COL24A1: variants seen among roughly 807,000 people sequenced by gnomAD.
COL24A1 encodes collagen alpha-1(XXIV) chain.
COL24A1 carries 224 observed loss-of-function variants against 253.9 expected under a neutral mutation model. The ratio of observed to expected loss-of-function variants is 0.88; its 90% CI spans 0.79 to 0.99. The LOEUF is 0.99. COL24A1 is among the 50% of genes least tolerant of loss of function. COL24A1 has a pLI of 0.00. For synonymous variants in COL24A1, 685 were observed against 673.7 expected (o/e 1.02, Z -0.26); for missense variants, 2,131 against 2,068.5 (o/e 1.03, Z -0.59).
rs553035857 is a variant in COL24A1, at chr1:85,910,115, A to C, written c.2617-112T>G. On this transcript the variant is annotated intron_variant, in intron 25 of 59. Coordinates refer to ENST00000370571, the MANE Select transcript of COL24A1 (RefSeq NM_152890.7). ...CCAGAATCATGTCTTACATGCATAC[A>C]TCATTTTTATTTCCAATAATTTTTA... The C allele has an allele frequency of 2.6e-5, 16 of 625,176 alleles. No homozygotes were observed. The East Asian group carries it at 5.0e-4, about 20-fold the overall frequency. 38.7% of individuals were successfully genotyped at this position (625,176 alleles called of 1,614,324 possible). A position where few individuals can be genotyped will look rare whatever the true frequency, so the allele number is the denominator to read the frequency against.
chr1:86,137,418 G>A (rs966921154), intron 2 of COL24A1, among the ~76,000 whole-genome samples: 9 of 152,142 alleles, frequency 5.9e-5, no homozygotes, highest in South Asian at 2.1e-4. Context: ...ATCTACATGT[G>A]AGAGTTAGGA....
chr1:86,117,615 C>G (rs755072742), intron 3 of COL24A1, among the ~76,000 whole-genome samples: 4 of 152,116 alleles, frequency 2.6e-5, no homozygotes, highest in Non-Finnish European at 4.4e-5. Flanking sequence ...AAATTAAAAT[C>G]AATTCTCACA....
intron 31 of COL24A1, among the ~76,000 whole-genome samples, chr1:85,893,017 T>C (rs1307307020): frequency 6.6e-6 from 1 of 152,104 alleles, no homozygotes; most frequent in African/African-American, 2.4e-5. Context: ...TACGTATCAA[T>C]AATTACATTA....
chr1:85,781,617 T>G (rs999529447), intron 51 of COL24A1, among the ~76,000 whole-genome samples: 2 of 152,194 alleles, frequency 1.3e-5, no homozygotes, highest in African/African-American at 4.8e-5. Flanking sequence ...AATAGAATGA[T>G]GAACTAGGTT....
At chr1:85,760,400 A>C (rs1168102316) in intron 55 of COL24A1, among the ~76,000 whole-genome samples, 1 of 152,126 alleles carries the variant, frequency 6.6e-6, no homozygotes, top group Non-Finnish European at 1.5e-5. Context: ...TGTTAGTCAG[A>C]AGGCCAGAAA....
chr1:85,847,546 T>G lies in COL24A1; in HGVS notation c.3462+119A>C. On this transcript the variant is annotated intron_variant, in intron 39 of 59. Coordinates refer to ENST00000370571, the MANE Select transcript of COL24A1 (RefSeq NM_152890.7). ...CTCCACATCCCATGGAGGTAGATTA[T>G]TTTCAATGGAACTATTGCTTTGTCT... 8.9e-6 allele frequency: 6 copies of G among 672,500 alleles called. No individual in the cohort carries two copies. The Admixed American group carries it at 1.5e-4, about 17-fold the overall frequency. 41.7% of individuals were successfully genotyped at this position (672,500 alleles called of 1,614,324 possible). A position where few individuals can be genotyped will look rare whatever the true frequency, so the allele number is the denominator to read the frequency against.
At chr1:85,934,951 T>C (rs1688128861) in intron 24 of COL24A1, among the ~76,000 whole-genome samples, 4 of 151,272 alleles carry the variant, frequency 2.6e-5, no homozygotes, top group Admixed American at 2.6e-4. Context: ...TAACACACAA[T>C]TAAAAAAAAA....
At chr1:85,957,493 A>G (rs1690584497) in intron 24 of COL24A1, among the ~76,000 whole-genome samples, 1 of 152,212 alleles carries the variant, frequency 6.6e-6, no homozygotes, top group African/African-American at 2.4e-5. Context: ...GAGACAGTCT[A>G]TATGCCATTT....
chr1:85,980,000 G>T (rs891762635), intron 20 of COL24A1, among the ~76,000 whole-genome samples: 2 of 152,120 alleles, frequency 1.3e-5, no homozygotes, highest in Admixed American at 6.6e-5. Context: ...GATCAAGTGG[G>T]TTTCATACCA....
At chr1:85,926,010 A>G (rs557759886) in intron 24 of COL24A1, among the ~76,000 whole-genome samples, 1,552 of 152,336 alleles carry the variant, frequency 0.01, 11 homozygotes, top group Non-Finnish European at 0.018. Flanking sequence ...ACAAGTGGGC[A>G]AAGGATATGA....
intron 19 of COL24A1, among the ~76,000 whole-genome samples, chr1:86,014,138 T>A (rs1352838474): frequency 6.6e-6 from 1 of 152,228 alleles, no homozygotes; most frequent in Non-Finnish European, 1.5e-5. Flanking sequence ...TGAATTTGTA[T>A]ATAAGTTGTC....
At chr1:85,987,730 G>T in intron 19 of COL24A1, 76 bp from the exon 20 acceptor site, 1 of 1,264,120 alleles carries the variant, frequency 7.9e-7, no homozygotes, top group Non-Finnish European at 1.1e-6. Flanking sequence ...AATTCCCTTT[G>T]CTATTCCTCC....
chr1:85,944,461 CT>C (rs1220095147), intron 24 of COL24A1, among the ~76,000 whole-genome samples: 2 of 151,958 alleles, frequency 1.3e-5, no homozygotes, highest in Admixed American at 6.6e-5. Flanking sequence ...GTAAATAAAT[CT>C]TTTTTAAAAA....
intron 25 of COL24A1, among the ~76,000 whole-genome samples, chr1:85,910,584 A>T (rs1685269473): frequency 6.6e-6 from 1 of 151,960 alleles, no homozygotes; most frequent in South Asian, 2.1e-4. Context: ...GAAATAACTA[A>T]TTGGGTGAAA....
rs1452339153 is a variant in COL24A1 at position 86,138,290 on chromosome 1, AAGTATTACTGAGGCTGAG to A, written c.121+7811_121+7828del. Among the ~76,000 whole-genome samples the A allele has an allele frequency of 5.3e-5, 8 of 152,086 alleles. No homozygotes were observed. The East Asian group carries it at 1.5e-3, about 29-fold the overall frequency. On this transcript the variant is annotated intron_variant, in intron 2 of 59. Transcript: ENST00000370571. The stretch of plus-strand genomic sequence containing the variant: ...TTGGTAAGTTCTGTGAGTCCTTCTA[AAGTATTACTGAGGCTGAG>A]AGTAGTCTTGGGGACCCCTTAACTT...
intron 52 of COL24A1, among the ~76,000 whole-genome samples, chr1:85,779,732 C>T (rs572297495): frequency 1.3e-5 from 2 of 152,176 alleles, no homozygotes; most frequent in South Asian, 4.2e-4. Flanking sequence ...TCTGTTACAC[C>T]GATCTGTTTA....
At chr1:85,800,390 A>C (rs1671306099) in intron 47 of COL24A1, among the ~76,000 whole-genome samples, 1 of 152,162 alleles carries the variant, frequency 6.6e-6, no homozygotes, top group African/African-American at 2.4e-5. Context: ...TTCTTTGCTA[A>C]AGTTACTGAT....
At chr1:86,066,231 C>CTTTTTTT (rs71078637) in intron 7 of COL24A1, among the ~76,000 whole-genome samples, 5 of 85,514 alleles carry the variant, frequency 5.8e-5, no homozygotes, top group Non-Finnish European at 1.1e-4. Flanking sequence ...CCTAAGTCTC[C>CTTTTTTT]TTTTTTTTTT....
chr1:85,779,546 G>A (rs570466035), intron 52 of COL24A1, among the ~76,000 whole-genome samples: 1 of 152,130 alleles, frequency 6.6e-6, no homozygotes, highest in Non-Finnish European at 1.5e-5. Context: ...AGATAATTGA[G>A]TCGCCAAATT....
Sources: allele counts gnomAD v4.1 joint callset (sites outside exome capture counted in the v4.1 genomes callset), GRCh38; gene constraint gnomAD v4.1.1; transcripts MANE v1.5; gene names NCBI Gene and HGNC (gene_info 2026-07-23, HGNC 2026-07-21).